Variants in ANKS3 observed in about 807,000 individuals in gnomAD.
ANKS3 encodes ankyrin repeat and sterile alpha motif domain containing 3, also known as ankyrin repeat and SAM domain-containing protein 3.
Under a neutral mutation model 80.7 loss-of-function variants are expected in ANKS3, and 62 were observed. That is an observed-to-expected ratio of 0.77 (90% CI 0.63 to 0.95). ANKS3 has a LOEUF of 0.95. Ranked by LOEUF, ANKS3 falls within the 40% of genes least tolerant of loss-of-function variation. ANKS3 has a pLI of 0.00. For synonymous variants in ANKS3, 489 were observed against 355.3 expected (o/e 1.38, Z -4.23); for missense variants, 1,150 against 883.6 (o/e 1.30, Z -3.82).
At chr16:4,724,190 T>C (rs1567430986) in intron 6 of ANKS3, among the ~76,000 whole-genome samples, 1 of 152,268 alleles carries the variant, frequency 6.6e-6, no homozygotes, top group African/African-American at 2.4e-5. Flanking sequence ...ACTAAGTTTC[T>C]ACTAATAAGA....
intron 6 of ANKS3, among the ~76,000 whole-genome samples, chr16:4,716,483 G>A (rs542386336): frequency 7.3e-4 from 111 of 152,234 alleles, no homozygotes; most frequent in African/African-American, 2.6e-3. Flanking sequence ...GTTGGTGGGG[G>A]AGGCAGAGGT....
Position 4,729,028 on chromosome 16 carries a change from C to T in ANKS3, c.170+952G>A, listed in dbSNP as rs377516062. 2.0e-3 allele frequency among the ~76,000 whole-genome samples: 301 copies of T among 152,276 alleles called. 5 individuals carry two copies. Among genetic ancestry groups the T allele is most frequent in the Middle Eastern group, 0.01 (3 of 294 alleles). On this transcript the variant is annotated intron_variant, in intron 3 of 17. Transcript: ENST00000304283. Reference sequence around the variant, plus strand: ...GAGAGAGGAAGAGAGGTCGCTGCACCACAATATCAAATGAGAACCAGGAGA... The same window carrying T: ...GAGAGAGGAAGAGAGGTCGCTGCACTACAATATCAAATGAGAACCAGGAGA...
At chr16:4,706,011 T>C (rs1030934939) in intron 7 of ANKS3, among the ~76,000 whole-genome samples, 8 of 151,764 alleles carry the variant, frequency 5.3e-5, no homozygotes, top group African/African-American at 1.9e-4. Flanking sequence ...AATTCTCCTA[T>C]CTCAGCCTCC....
intron 6 of ANKS3, 147 bp from the exon 7 acceptor site, chr16:4,714,333 C>T (rs894390589): frequency 4.1e-6 from 5 of 1,227,286 alleles, no homozygotes; most frequent in Non-Finnish European, 5.7e-6. Context: ...GAGAAAGAGG[C>T]AGGCTTGTCT....
rs1310537579 is a variant in ANKS3 at position 4,698,477 on chromosome 16, C to T, written c.1674G>A (p.Arg558=). The change falls in exon 14 of 18, where the codon CGG becomes CGA. Residue 558 remains arginine (R), a synonymous_variant. Coordinates refer to ENST00000304283, the MANE Select transcript of ANKS3 (RefSeq NM_133450.4). ...CATCCCGGGCCAGGGCCCACGTCTC[C>T]CGCAGCCGGGCCTGGAGGTCCTCGC... ...RAREDLQARL[R]ETWALARDAA... The T allele has an allele frequency of 1.9e-6, 3 of 1,548,440 alleles. No individual in the cohort carries two copies. The highest frequency in any genetic ancestry group is 2.6e-6 in the Non-Finnish European group (3 of 1,154,232).
chr16:4,718,909 A>T (rs2080944715), intron 6 of ANKS3, among the ~76,000 whole-genome samples: 1 of 152,242 alleles, frequency 6.6e-6, no homozygotes, highest in African/African-American at 2.4e-5. Flanking sequence ...CAGGAAATAC[A>T]TATTTAGGGG....
At chr16:4,717,159 C>G (rs570901487) in intron 6 of ANKS3, among the ~76,000 whole-genome samples, 6 of 151,766 alleles carry the variant, frequency 4.0e-5, no homozygotes, top group Non-Finnish European at 2.9e-5. Flanking sequence ...GGAGAATTGC[C>G]TGAGTCCAGG....
At chr16:4,698,761 G>C (rs776730310) in intron 13 of ANKS3, 39 bp downstream of exon 13, 1 of 1,568,788 alleles carries the variant, frequency 6.4e-7, no homozygotes, top group South Asian at 1.2e-5. Context: ...CAACTCACGG[G>C]TGTCACCCTG....
intron 1 of ANKS3, 59 bp downstream of exon 1, chr16:4,733,879 T>C (rs2081803416): frequency 3.1e-6 from 3 of 979,090 alleles, no homozygotes; most frequent in African/African-American, 1.8e-5. Flanking sequence ...TGGAACCGCA[T>C]CGCAAAGGTA....
intron 7 of ANKS3, among the ~76,000 whole-genome samples, chr16:4,707,892 C>T (rs747808772): frequency 2.0e-5 from 3 of 152,086 alleles, no homozygotes; most frequent in African/African-American, 4.8e-5. Context: ...GGGCGGATCA[C>T]TTGAGGTCAG....
At chr16:4,728,476 G>C (rs1019049150) in intron 3 of ANKS3, among the ~76,000 whole-genome samples, 3 of 152,102 alleles carry the variant, frequency 2.0e-5, no homozygotes, top group Non-Finnish European at 4.4e-5. Context: ...CCCCTGGCCA[G>C]GGGGGCTGCA....
In ANKS3 at chr16:4,729,998, A is replaced by C; in HGVS notation, c.152T>G (p.Val51Gly). ...CTCTTACCGCTGCACACACTCCTTC[A>C]CCACTTCATACTGGCCAATGGAAGC... ...TAASIGQYEV[V>G]KECVQRRELD... The change falls in exon 3 of 18, where the codon GTG (valine) becomes GGG (glycine). Residue 51 changes from valine to glycine, a missense_variant. Transcript: ENST00000304283. 1 of 1,534,124 alleles carries C rather than the reference A, an allele frequency of 6.5e-7. No individual in the cohort carries two copies. The highest frequency in any genetic ancestry group is 8.8e-7 in the Non-Finnish European group (1 of 1,132,412).
intron 4 of ANKS3, 86 bp downstream of exon 4, chr16:4,726,893 C>G (rs1345715952): frequency 3.7e-6 from 6 of 1,601,870 alleles, no homozygotes; most frequent in Non-Finnish European, 8.5e-7. Context: ...CACACACGAA[C>G]ACCGTGGCCT....
In ANKS3 at chr16:4,701,149, GT is replaced by G; in HGVS notation, c.1120-16del. On this transcript the variant is annotated splice_polypyrimidine_tract_variant and intron_variant, in intron 10 of 17. Coordinates refer to ENST00000304283, the MANE Select transcript of ANKS3 (RefSeq NM_133450.4). ...TGATCCGAGTCCTGCAGTGAGAGGCGTGCATCTGAAAGAGTGCGCGGGCTAA... is the reference window on the plus strand; with the variant it reads ...TGATCCGAGTCCTGCAGTGAGAGGCGGCATCTGAAAGAGTGCGCGGGCTAA... 6.2e-7 allele frequency: 1 copy of G among 1,613,628 alleles called. No homozygotes were observed. The highest frequency in any genetic ancestry group is 1.3e-5 in the African/African-American group (1 of 75,030).
At chr16:4,725,975 T>A (rs1376541569) in intron 5 of ANKS3, among the ~76,000 whole-genome samples, 2 of 61,596 alleles carry the variant, frequency 3.2e-5, no homozygotes, top group Non-Finnish European at 4.4e-5. Context: ...ATGACTGTTG[T>A]TTTTGTTTTT....
At chr16:4,706,477 C>T (rs553458728) in intron 7 of ANKS3, among the ~76,000 whole-genome samples, 17 of 152,212 alleles carry the variant, frequency 1.1e-4, no homozygotes, top group East Asian at 7.7e-4. Flanking sequence ...CCTTGTGATC[C>T]GCCCACCTTG....
chr16:4,708,732 A>T (rs8049169), intron 7 of ANKS3, among the ~76,000 whole-genome samples: 2,803 of 152,018 alleles, frequency 0.018, 79 homozygotes, highest in African/African-American at 0.065. Context: ...GAGGAGATCG[A>T]GACCATCCTG....
In ANKS3 at chr16:4,701,457, C is replaced by T. The variant is rs375158035; in HGVS notation, c.1096G>A (p.Glu366Lys). The change falls in exon 10 of 18, where the codon GAA becomes AAA. Residue 366 changes from glutamate to lysine, a missense_variant. Glu to Lys is a moderately conservative substitution (Grantham distance 56). Coordinates refer to ENST00000304283, the MANE Select transcript of ANKS3 (RefSeq NM_133450.4). Reference protein sequence around the residue: ...GLARAQGLSSEASVESNEDSD... With the variant: ...GLARAQGLSSKASVESNEDSD... ...ACCTCGTTGCTCTCCACAGAAGCTT[C>T]GCTGCTGAGCCCCTGGGCTCTGGCC... is the stretch of plus-strand genomic sequence containing the variant. The T allele has an allele frequency of 2.5e-5, 40 of 1,607,952 alleles. No individual in the cohort carries two copies. The highest frequency in any genetic ancestry group is 3.1e-5 in the Non-Finnish European group (36 of 1,176,224).
chr16:4,699,151 A>G lies in ANKS3; in HGVS notation c.1310T>C (p.Ile437Thr), dbSNP rs1182649655. ...CACCTGCAGGTACTTCAGACACCCG[A>G]TCTGCTCCAGCAGTGCGGCAAGGTC... ...PQDLAALLEQ[I>T]GCLKYLQVFE... The change falls in exon 12 of 18, where the codon ATC becomes ACC. Residue 437 changes from isoleucine to threonine, a missense_variant. Coordinates refer to ENST00000304283, the MANE Select transcript of ANKS3 (RefSeq NM_133450.4). The G allele has an allele frequency of 6.2e-7, 1 of 1,614,018 alleles. No individual in the cohort carries two copies. Among genetic ancestry groups the G allele is most frequent in the Non-Finnish European group, 8.5e-7 (1 of 1,180,014 alleles).
Sources: gnomAD v4.1 joint callset for allele counts (sites outside exome capture counted in the v4.1 genomes callset) on GRCh38, gnomAD v4.1.1 for gene constraint, MANE v1.5 for transcripts, NCBI Gene and HGNC (gene_info 2026-07-23, HGNC 2026-07-21) for gene names.